Variants in ADAMTS3 observed in about 807,000 individuals in gnomAD.
The protein encoded by ADAMTS3 is ADAM metallopeptidase with thrombospondin type 1 motif 3.
In ADAMTS3, 73 loss-of-function variants were observed where a neutral mutation model predicts 129.0. That is an observed-to-expected ratio of 0.57 (90% confidence interval 0.47 to 0.69). The LOEUF is 0.69. ADAMTS3 is among the 30% of genes least tolerant of loss of function. The probability of loss-of-function intolerance (pLI) is 0.00; values close to 1 mark genes in which losing one functional copy is unlikely to be tolerated. For synonymous variants in ADAMTS3, 477 were observed against 510.8 expected (o/e 0.93, Z 0.89); for missense variants, 1,457 against 1,514.5 (o/e 0.96, Z 0.63).
In ADAMTS3 at chr4:72,414,866, A is replaced by G; in HGVS notation, c.610T>C (p.Ser204Pro). Residue 204 changes from serine to proline, a missense_variant, in exon 4 of 22, where the codon TCA becomes CCA. By Grantham distance (74) the Ser-to-Pro change is moderately conservative. Transcript: ENST00000286657. ...KGRIHVVYKR[S>P]AVEQAPIDMS... is the part of the protein sequence containing the mutation. ...TCTATGGGAGCCTGTTCTACAGCTG[A>G]TCTCTTGTAGACAACATGAATCCTT... is the stretch of plus-strand genomic sequence containing the variant. 6.4e-7 allele frequency: 1 copy of G among 1,565,172 alleles called. No homozygotes were observed. Among genetic ancestry groups the G allele is most frequent in the Non-Finnish European group, 8.6e-7 (1 of 1,158,078 alleles).
At chr4:72,299,452 C>T (rs547542176) in intron 17 of ADAMTS3, among the ~76,000 whole-genome samples, 1 of 152,210 alleles carries the variant, frequency 6.6e-6, no homozygotes, top group African/African-American at 2.4e-5. Context: ...TGTGTGGTAA[C>T]TCTTCAATAT....
At chr4:72,352,203 C>T (rs925993157) in intron 4 of ADAMTS3, among the ~76,000 whole-genome samples, 3 of 151,966 alleles carry the variant, frequency 2.0e-5, no homozygotes, top group Non-Finnish European at 4.4e-5. Flanking sequence ...GAACACTTTA[C>T]CACGTTACCA....
chr4:72,515,769 T>C (rs1259475061), intron 3 of ADAMTS3, among the ~76,000 whole-genome samples: 2 of 151,850 alleles, frequency 1.3e-5, no homozygotes, highest in African/African-American at 4.8e-5. Flanking sequence ...GCGAAAATTT[T>C]CTCCCATTTT....
At chr4:72,416,232 A>G (rs1332922621) in intron 3 of ADAMTS3, among the ~76,000 whole-genome samples, 4 of 70,264 alleles carry the variant, frequency 5.7e-5, no homozygotes, top group Non-Finnish European at 1.3e-4. Context: ...TATTTAGCAA[A>G]TATGCCTATG....
chr4:72,389,390 T>G (rs895136402), intron 4 of ADAMTS3, among the ~76,000 whole-genome samples: 2 of 152,208 alleles, frequency 1.3e-5, no homozygotes, highest in Non-Finnish European at 2.9e-5. Context: ...GCCATATCTG[T>G]AACATTTGAA....
chr4:72,565,922 CT>C (rs1281442919), intron 2 of ADAMTS3, among the ~76,000 whole-genome samples: 1 of 152,086 alleles, frequency 6.6e-6, no homozygotes, highest in African/African-American at 2.4e-5. Flanking sequence ...AATGGGTGAT[CT>C]TAAGACATCT....
At chr4:72,536,825 G>A (rs1473913579) in intron 3 of ADAMTS3, among the ~76,000 whole-genome samples, 1 of 152,046 alleles carries the variant, frequency 6.6e-6, no homozygotes, top group Non-Finnish European at 1.5e-5. Context: ...CTCTCCCAAA[G>A]TATCATAACT....
chr4:72,409,828 T>C (rs951634367), intron 4 of ADAMTS3, among the ~76,000 whole-genome samples: 1 of 152,168 alleles, frequency 6.6e-6, no homozygotes, highest in Admixed American at 6.5e-5. Flanking sequence ...CTGTGAAACA[T>C]ACAAAACTAA....
intron 4 of ADAMTS3, among the ~76,000 whole-genome samples, chr4:72,369,350 G>C (rs985990477): frequency 5.9e-5 from 9 of 151,928 alleles, no homozygotes; most frequent in Non-Finnish European, 1.2e-4. Flanking sequence ...AACTTTATAG[G>C]AGACACTTGC....
chr4:72,479,084 G>C (rs1275454036), intron 3 of ADAMTS3, among the ~76,000 whole-genome samples: 1 of 152,164 alleles, frequency 6.6e-6, no homozygotes, highest in Admixed American at 6.5e-5. Flanking sequence ...CTCATGGCTA[G>C]GAAGAATCAA....
intron 3 of ADAMTS3, among the ~76,000 whole-genome samples, chr4:72,545,476 C>G (rs1578782759): frequency 1.3e-5 from 2 of 152,144 alleles, no homozygotes; most frequent in Admixed American, 1.3e-4. Flanking sequence ...ACTAATTAAA[C>G]TGGAGGACTC....
intron 3 of ADAMTS3, among the ~76,000 whole-genome samples, chr4:72,505,786 G>A (rs1428098728): frequency 6.6e-6 from 1 of 152,214 alleles, no homozygotes; most frequent in Non-Finnish European, 1.5e-5. Flanking sequence ...CCAGATGGCT[G>A]TAGGTCTGCC....
chr4:72,505,259 T>A (rs1720129054), intron 3 of ADAMTS3, among the ~76,000 whole-genome samples: 1 of 152,202 alleles, frequency 6.6e-6, no homozygotes, highest in Admixed American at 6.5e-5. Context: ...TGTTGTTTTG[T>A]TTCTTCTTTC....
chr4:72,555,698 T>C (rs1489745567), intron 2 of ADAMTS3, among the ~76,000 whole-genome samples: 1 of 151,830 alleles, frequency 6.6e-6, no homozygotes, highest in Non-Finnish European at 1.5e-5. Context: ...TGTTTGGATC[T>C]GTGTCCCCAC....
intron 3 of ADAMTS3, among the ~76,000 whole-genome samples, chr4:72,483,002 C>T (rs1001939361): frequency 2.0e-5 from 3 of 152,108 alleles, no homozygotes; most frequent in Non-Finnish European, 2.9e-5. Context: ...AGGCCAGTTC[C>T]CCAACCTGAA....
intron 3 of ADAMTS3, among the ~76,000 whole-genome samples, chr4:72,539,397 A>G (rs1182276899): frequency 6.6e-6 from 1 of 150,920 alleles, no homozygotes; most frequent in Non-Finnish European, 1.5e-5. Flanking sequence ...AGGCACACGA[A>G]GAGATGTTCA....
intron 4 of ADAMTS3, among the ~76,000 whole-genome samples, chr4:72,359,303 G>A (rs893161321): frequency 1.3e-5 from 2 of 151,958 alleles, no homozygotes; most frequent in Non-Finnish European, 2.9e-5. Flanking sequence ...CTATAAAATG[G>A]AGATACCACC....
intron 3 of ADAMTS3, among the ~76,000 whole-genome samples, chr4:72,468,946 T>C (rs1718992255): frequency 6.6e-6 from 1 of 152,114 alleles, no homozygotes; most frequent in Admixed American, 6.6e-5. Context: ...TGGCACAGCA[T>C]CTTTCTTACC....
intron 3 of ADAMTS3, among the ~76,000 whole-genome samples, chr4:72,515,050 T>C (rs536844760): frequency 1.2e-3 from 179 of 152,266 alleles, no homozygotes; most frequent in Middle Eastern, 0.01. Context: ...GTGTTCTCAT[T>C]GTTCAATGCC....
Sources: gnomAD v4.1 joint callset for allele counts (sites outside exome capture counted in the v4.1 genomes callset) on GRCh38, gnomAD v4.1.1 for gene constraint, MANE v1.5 for transcripts, NCBI Gene and HGNC (gene_info 2026-07-23, HGNC 2026-07-21) for gene names.